LTBP1: variants seen among roughly 807,000 people sequenced by gnomAD.
The protein encoded by LTBP1 is latent-transforming growth factor beta-binding protein 1.
A neutral mutation model predicts 207.6 loss-of-function variants in LTBP1; 129 were observed. That is an observed-to-expected ratio of 0.62 (90% CI 0.54 to 0.72). The LOEUF (loss-of-function observed/expected upper bound fraction) is 0.72. LTBP1 is among the 30% of genes least tolerant of loss of function. The pLI is 0.00. For synonymous variants in LTBP1, 963 were observed against 833.7 expected (o/e 1.16, Z -2.67); for missense variants, 2,281 against 2,217.2 (o/e 1.03, Z -0.58).
At chr2:33,149,718 C>T (rs142018102) in intron 5 of LTBP1, among the ~76,000 whole-genome samples, 82 of 152,214 alleles carry the variant, frequency 5.4e-4, no homozygotes, top group African/African-American at 1.8e-3. Context: ...AATGGGAAAC[C>T]GTTTAGCACA....
chr2:32,949,429 G>C (rs971704967), intron 2 of LTBP1, among the ~76,000 whole-genome samples: 1 of 152,192 alleles, frequency 6.6e-6, no homozygotes, highest in Non-Finnish European at 1.5e-5. Flanking sequence ...CTTGAGGCCT[G>C]ATGGTTTTCT....
At chr2:33,205,437 T>TAACACATTA (rs2089772587) in intron 7 of LTBP1, among the ~76,000 whole-genome samples, 1 of 152,232 alleles carries the variant, frequency 6.6e-6, no homozygotes, top group Non-Finnish European at 1.5e-5. Context: ...GTCTAGGTTG[T>TAACACATTA]GCTTCAGTAA....
chr2:33,148,003 G>A (rs920262749), intron 5 of LTBP1, among the ~76,000 whole-genome samples: 1 of 152,212 alleles, frequency 6.6e-6, no homozygotes, highest in South Asian at 2.1e-4. Flanking sequence ...GCTTTGGGAT[G>A]TAGCCCAAAT....
intron 3 of LTBP1, among the ~76,000 whole-genome samples, chr2:33,072,526 C>T (rs772991098): frequency 3.9e-5 from 6 of 152,104 alleles, no homozygotes; most frequent in African/African-American, 7.2e-5. Flanking sequence ...CATTTGTTCA[C>T]GGTCAGTTTC....
chr2:33,231,366 A>G (rs2091777882), intron 9 of LTBP1, among the ~76,000 whole-genome samples: 1 of 152,342 alleles, frequency 6.6e-6, no homozygotes, highest in South Asian at 2.1e-4. Flanking sequence ...CTTTTAGATA[A>G]AAAGTTCCTC....
rs537388349 is a variant in LTBP1, at chr2:33,280,149, C to A, written c.3103C>A (p.Gln1035Lys). The A allele has an allele frequency of 2.5e-6, 4 of 1,614,042 alleles. No individual in the cohort carries two copies. The African/African-American group carries it at 5.3e-5, about 22-fold the overall frequency. The change falls in exon 19 of 34, where the codon CAG (glutamine) becomes AAG (lysine). Residue 1035 changes from glutamine (Q) to lysine (K), a missense_variant. Transcript: ENST00000404816. ...CTEGFRGWNG[Q>K]CLDVDECLEP... ...AGAAGGATTCCGAGGCTGGAATGGA[C>A]AGTGCCTTGGTAGGTACTATAGTGT...
At chr2:33,159,300 C>T (rs1165180669) in intron 5 of LTBP1, among the ~76,000 whole-genome samples, 4 of 152,166 alleles carry the variant, frequency 2.6e-5, no homozygotes, top group Admixed American at 1.3e-4. Context: ...ATAGTCCCTT[C>T]GAACCTTGAG....
intron 2 of LTBP1, among the ~76,000 whole-genome samples, chr2:32,954,214 G>A (rs17012393): frequency 0.06 from 9,184 of 152,224 alleles, 512 homozygotes; most frequent in East Asian, 0.22. Flanking sequence ...ACAGTCCTCA[G>A]TTATCTGGAT....
At chr2:32,950,120 G>T (rs1175423789) in intron 2 of LTBP1, among the ~76,000 whole-genome samples, 4 of 152,146 alleles carry the variant, frequency 2.6e-5, no homozygotes, top group African/African-American at 9.7e-5. Flanking sequence ...ATTTAGCATT[G>T]CTCAGGCCAA....
At chr2:33,206,495 C>G (rs944928977) in intron 7 of LTBP1, among the ~76,000 whole-genome samples, 1 of 152,110 alleles carries the variant, frequency 6.6e-6, no homozygotes, top group African/African-American at 2.4e-5. Context: ...AATCCCAGCA[C>G]TTTGGGAGGC....
intron 5 of LTBP1, among the ~76,000 whole-genome samples, chr2:33,176,756 A>G (rs779826013): frequency 1.2e-4 from 18 of 152,030 alleles, no homozygotes; most frequent in South Asian, 2.1e-4. Context: ...AACCATCCCA[A>G]AGCTGTTATG....
chr2:33,395,745 T>G (rs1463759985), intron 32 of LTBP1, among the ~76,000 whole-genome samples: 5 of 149,876 alleles, frequency 3.3e-5, no homozygotes, highest in Non-Finnish European at 5.9e-5. Flanking sequence ...GCTAAGTTGG[T>G]TGCTTTTTGG....
chr2:33,248,939 C>T (rs1165807184), intron 10 of LTBP1, among the ~76,000 whole-genome samples: 2 of 152,126 alleles, frequency 1.3e-5, no homozygotes, highest in Non-Finnish European at 2.9e-5. Context: ...GTTCTTACTG[C>T]CCTAGGTAAG....
At chr2:33,306,706 GT>G (rs1471563063) in intron 22 of LTBP1, among the ~76,000 whole-genome samples, 2 of 152,086 alleles carry the variant, frequency 1.3e-5, no homozygotes, top group Non-Finnish European at 2.9e-5. Context: ...TTTGAATTGA[GT>G]TTTTTATTTA....
intron 31 of LTBP1, among the ~76,000 whole-genome samples, chr2:33,369,686 C>T (rs188282158): frequency 2.0e-5 from 3 of 152,274 alleles, no homozygotes; most frequent in Admixed American, 6.5e-5. Flanking sequence ...TACAGGCGCG[C>T]ACCACCACAC....
At chr2:33,329,726 A>G (rs1010313605) in intron 24 of LTBP1, among the ~76,000 whole-genome samples, 1 of 152,050 alleles carries the variant, frequency 6.6e-6, no homozygotes, top group African/African-American at 2.4e-5. Context: ...CATTATTCAT[A>G]TTATTTAATA....
intron 19 of LTBP1, among the ~76,000 whole-genome samples, chr2:33,283,707 A>G (rs2093610131): frequency 6.6e-6 from 1 of 152,270 alleles, no homozygotes; most frequent in Middle Eastern, 3.4e-3. Flanking sequence ...AAGTGCTGGG[A>G]TTACAGGCGT....
chr2:33,251,275 A>ACACTACTG (rs2092676412), intron 10 of LTBP1, among the ~76,000 whole-genome samples: 1 of 152,180 alleles, frequency 6.6e-6, no homozygotes, highest in African/African-American at 2.4e-5. Flanking sequence ...TATGGAGACT[A>ACACTACTG]CACTACTGCA....
At chr2:33,103,186 T>A (rs2079839021) in intron 3 of LTBP1, among the ~76,000 whole-genome samples, 2 of 152,210 alleles carry the variant, frequency 1.3e-5, no homozygotes, top group Non-Finnish European at 2.9e-5. Flanking sequence ...GTATGCTGTA[T>A]GCACTGTCTG....
Sources: gnomAD v4.1 joint callset for allele counts (sites outside exome capture counted in the v4.1 genomes callset) on GRCh38, gnomAD v4.1.1 for gene constraint, MANE v1.5 for transcripts, NCBI Gene and HGNC (gene_info 2026-07-23, HGNC 2026-07-21) for gene names.